Variants in ALDH1A2 observed in about 807,000 individuals in gnomAD.
The protein encoded by ALDH1A2 is retinal dehydrogenase 2.
A neutral mutation model predicts 60.3 loss-of-function variants in ALDH1A2; 27 were observed. The observed-to-expected ratio is 0.45, with a 90% CI of 0.33 to 0.62. The LOEUF (loss-of-function observed/expected upper bound fraction) is 0.62. Ranked by LOEUF, ALDH1A2 falls within the 20% of genes least tolerant of loss-of-function variation. ALDH1A2 has a pLI of 0.02. For missense variants in ALDH1A2, 581 were observed against 643.8 expected (o/e 0.90, Z 1.06); for synonymous variants, 289 against 232.4 (o/e 1.24, Z -2.21).
At chr15:57,968,660 T>C (rs1395922530) in intron 7 of ALDH1A2, among the ~76,000 whole-genome samples, 2 of 152,220 alleles carry the variant, frequency 1.3e-5, no homozygotes, top group Admixed American at 6.5e-5. Context: ...CAGGATTATA[T>C]TCAAGAAACA....
intron 5 of ALDH1A2, among the ~76,000 whole-genome samples, chr15:57,993,852 T>C (rs565357547): frequency 6.6e-6 from 1 of 152,354 alleles, no homozygotes; most frequent in African/African-American, 2.4e-5. Flanking sequence ...TTGACCACAA[T>C]GTGTTTCTGC....
At position 57,954,800 on chromosome 15, in the gene ALDH1A2, G is replaced by C. The variant is rs35837877; in HGVS notation, c.*397C>G. 6.2e-5 allele frequency: 15 copies of C among 243,874 alleles called. No individual in the cohort carries two copies. Among genetic ancestry groups the C allele is most frequent in the African/African-American group, 3.1e-4 (14 of 45,822 alleles). 15.1% of individuals were successfully genotyped at this position (243,874 alleles called of 1,614,324 possible). A position where few individuals can be genotyped will look rare whatever the true frequency, so the allele number is the denominator to read the frequency against. ...GGAAGAGAGGGAGGGGTGGGTGAGC[G>C]AGGAGGGCCTGGAAGGAGGAAAATG... On this transcript the variant is annotated 3_prime_UTR_variant, in exon 13 of 13. Coordinates refer to ENST00000249750, the MANE Select transcript of ALDH1A2 (RefSeq NM_003888.4).
chr15:57,987,129 G>C (rs1294755926), intron 7 of ALDH1A2, among the ~76,000 whole-genome samples: 1 of 152,052 alleles, frequency 6.6e-6, no homozygotes, highest in African/African-American at 2.4e-5. Context: ...GACAATGAAA[G>C]TTACCTAGCC....
At chr15:57,973,110 T>C (rs568730310) in intron 7 of ALDH1A2, among the ~76,000 whole-genome samples, 51 of 152,356 alleles carry the variant, frequency 3.3e-4, no homozygotes, top group African/African-American at 1.1e-3. Context: ...TGATGGTCTC[T>C]CCACTATCTT....
At chr15:58,035,479 G>A (rs1214901405) in intron 1 of ALDH1A2, among the ~76,000 whole-genome samples, 1 of 151,030 alleles carries the variant, frequency 6.6e-6, no homozygotes, top group African/African-American at 2.4e-5. Context: ...TTTTGTTTCT[G>A]TTTACATTAC....
intron 4 of ALDH1A2, among the ~76,000 whole-genome samples, chr15:58,005,435 C>T (rs767987282): frequency 2.0e-5 from 3 of 151,752 alleles, no homozygotes; most frequent in Non-Finnish European, 4.4e-5. Context: ...ATAGCAGATG[C>T]TAAAAAAAAT....
rs138142076 is a variant in ALDH1A2, at chr15:58,008,518, T to C, written c.493+2131A>G. 8.8e-4 allele frequency among the ~76,000 whole-genome samples: 134 copies of C among 152,216 alleles called. 1 individual carries two copies. The highest frequency in any genetic ancestry group is 2.9e-3 in the African/African-American group (122 of 41,552). On this transcript the variant is annotated intron_variant, in intron 4 of 12. Coordinates refer to ENST00000249750, the MANE Select transcript of ALDH1A2 (RefSeq NM_003888.4). ...ATTATCAGGGATGTCAATCAATATT[T>C]AGCTTTATCTAATCAGGATCTTCCC...
At chr15:57,975,907 C>T (rs1468478577) in intron 7 of ALDH1A2, among the ~76,000 whole-genome samples, 7 of 152,030 alleles carry the variant, frequency 4.6e-5, no homozygotes, top group South Asian at 2.1e-4. Context: ...GTGAACTCTA[C>T]TGATGGTTTC....
intron 1 of ALDH1A2, among the ~76,000 whole-genome samples, chr15:58,027,741 T>C (rs1896118218): frequency 6.6e-6 from 1 of 151,972 alleles, no homozygotes; most frequent in South Asian, 2.1e-4. Context: ...CACCAGAACT[T>C]CGTAATGCAC....
At chr15:58,022,863 TC>T (rs755474686) in intron 1 of ALDH1A2, among the ~76,000 whole-genome samples, 9 of 151,952 alleles carry the variant, frequency 5.9e-5, no homozygotes, top group Admixed American at 1.3e-4. Flanking sequence ...GAAAAATTCC[TC>T]CCCTATGAAA....
Position 57,954,246 on chromosome 15 carries a change from C to T in ALDH1A2, c.*951G>A, listed in dbSNP as rs1893441774. The T allele has an allele frequency of 6.6e-6, 1 of 152,352 alleles. No individual in the cohort carries two copies. Among genetic ancestry groups the T allele is most frequent in the Non-Finnish European group, 1.5e-5 (1 of 68,048 alleles). 9.4% of individuals were successfully genotyped at this position (152,352 alleles called of 1,614,324 possible). A position where few individuals can be genotyped will look rare whatever the true frequency, so the allele number is the denominator to read the frequency against. ...GTTCAGAAGGTACAGATTCCAACTA[C>T]AGAAATAATTCATTTAATAATAATT... is the stretch of plus-strand genomic sequence containing the variant. On this transcript the variant is annotated 3_prime_UTR_variant, in exon 13 of 13. Coordinates refer to ENST00000249750, the MANE Select transcript of ALDH1A2 (RefSeq NM_003888.4).
intron 7 of ALDH1A2, among the ~76,000 whole-genome samples, chr15:57,969,523 T>C (rs184178269): frequency 3.3e-5 from 5 of 152,286 alleles, no homozygotes; most frequent in Admixed American, 3.3e-4. Context: ...TCCTCAGGGA[T>C]ACTGTCCCTC....
At chr15:57,979,884 A>ACCCTGGGTGTAG in intron 7 of ALDH1A2, 1 of 349,758 alleles carries the variant, frequency 2.9e-6, no homozygotes, top group South Asian at 2.9e-5. Context: ...TATGGTTGGT[A>ACCCTGGGTGTAG]CCCTGGGTGT....
chr15:57,985,319 C>CAA (rs1362246627), intron 7 of ALDH1A2, among the ~76,000 whole-genome samples: 8 of 152,168 alleles, frequency 5.3e-5, no homozygotes, highest in African/African-American at 1.7e-4. Context: ...TACAGACCCT[C>CAA]AAATCCCTCT....
chr15:58,040,487 C>T (rs1432722025), intron 1 of ALDH1A2, among the ~76,000 whole-genome samples: 1 of 151,818 alleles, frequency 6.6e-6, no homozygotes, highest in Non-Finnish European at 1.5e-5. Context: ...GAACTTTCAC[C>T]ATTTCATTTC....
chr15:58,032,119 T>C (rs1290025271), intron 1 of ALDH1A2, among the ~76,000 whole-genome samples: 2 of 152,012 alleles, frequency 1.3e-5, no homozygotes, highest in East Asian at 3.9e-4. Flanking sequence ...TGTCCAACAA[T>C]GATAGACTGG....
intron 1 of ALDH1A2, among the ~76,000 whole-genome samples, chr15:58,061,997 G>A (rs1374835142): frequency 1.3e-5 from 2 of 152,096 alleles, no homozygotes; most frequent in Admixed American, 6.5e-5. Context: ...CCCCTGTTAG[G>A]AACATGGCCA....
In ALDH1A2 at chr15:58,065,528, GC is replaced by G; in HGVS notation, c.117+5del. 1 of 1,609,004 alleles carries G rather than the reference GC, an allele frequency of 6.2e-7. No homozygotes were observed. Among genetic ancestry groups the G allele is most frequent in the Non-Finnish European group, 8.5e-7 (1 of 1,175,418 alleles). On this transcript the variant is annotated splice_donor_5th_base_variant and intron_variant, in intron 1 of 12. Coordinates refer to ENST00000249750, the MANE Select transcript of ALDH1A2 (RefSeq NM_003888.4). ...CGTGGACGACGGGCGCTGGGCGGCCGCTTACCTTGGTGTACTTAATTTCGAG... is the reference window on the plus strand; with the variant it reads ...CGTGGACGACGGGCGCTGGGCGGCCGTTACCTTGGTGTACTTAATTTCGAG...
At chr15:57,980,009 T>C in intron 7 of ALDH1A2, 1 of 333,174 alleles carries the variant, frequency 3.0e-6, no homozygotes, top group African/African-American at 2.2e-5. Flanking sequence ...GCACAGTTAT[T>C]TGTACCCATC....
Sources: gnomAD v4.1 joint callset for allele counts (sites outside exome capture counted in the v4.1 genomes callset) on GRCh38, gnomAD v4.1.1 for gene constraint, MANE v1.5 for transcripts, NCBI Gene and HGNC (gene_info 2026-07-23, HGNC 2026-07-21) for gene names.